The following TGFBR3 variants were observed in gnomAD, a reference collection of about 807,000 sequenced individuals.
TGFBR3 encodes the protein transforming growth factor beta receptor type 3.
Under a neutral mutation model 87.9 loss-of-function variants are expected in TGFBR3, and 46 were observed. The observed-to-expected ratio is 0.52, with a 90% CI of 0.41 to 0.67. The LOEUF (loss-of-function observed/expected upper bound fraction) is 0.67. Among genes scored for constraint, TGFBR3 ranks in the 30% least tolerant of loss-of-function variants. The probability of loss-of-function intolerance (pLI) is 0.00; values close to 1 mark genes in which losing one functional copy is unlikely to be tolerated. For synonymous variants in TGFBR3, 381 were observed against 391.6 expected, an observed-to-expected ratio of 0.97 and a Z score of 0.32; for missense variants, 866 against 1,041.9, an observed-to-expected ratio of 0.83 and a Z score of 2.32.
chr1:91,809,056 A>G (rs1675936245), intron 2 of TGFBR3, among the ~76,000 whole-genome samples: 1 of 152,216 alleles, frequency 6.6e-6, no homozygotes, highest in Non-Finnish European at 1.5e-5. Context: ...ACTTAGATTC[A>G]AAATATTAAA....
At chr1:91,687,461 A>G (rs1278128077) in intron 16 of TGFBR3, among the ~76,000 whole-genome samples, 2 of 152,258 alleles carry the variant, frequency 1.3e-5, no homozygotes, top group African/African-American at 2.4e-5. Context: ...TTTGGCGTCT[A>G]TATTACAACT....
rs2489180 is a variant in TGFBR3, at chr1:91,804,962, C to T, written c.62-7491G>A. 9.6e-3 allele frequency among the ~76,000 whole-genome samples: 1,462 copies of T among 152,306 alleles called. 16 individuals carry two copies. The highest frequency in any genetic ancestry group is 0.034 in the African/African-American group (1,397 of 41,560). On this transcript the variant is annotated intron_variant, in intron 2 of 16. Transcript: ENST00000212355. The stretch of plus-strand genomic sequence containing the variant: ...ACGTAAGGATCAACCAGGGCGTGGA[C>T]GATGACGAAAGAACACACCTGAAAG...
chr1:91,791,195 T>C (rs915796893), intron 3 of TGFBR3, among the ~76,000 whole-genome samples: 4 of 152,052 alleles, frequency 2.6e-5, no homozygotes, highest in African/African-American at 7.2e-5. Context: ...TAAAACAAGT[T>C]TGGATACAAG....
intron 3 of TGFBR3, among the ~76,000 whole-genome samples, chr1:91,788,687 G>A (rs960747009): frequency 3.3e-5 from 5 of 152,196 alleles, no homozygotes; most frequent in African/African-American, 4.8e-5. Context: ...AACTGGAGAC[G>A]CTGCACACGC....
intron 1 of TGFBR3, among the ~76,000 whole-genome samples, chr1:91,903,303 C>T (rs1320944880): frequency 2.5e-5 from 3 of 121,482 alleles, no homozygotes; most frequent in African/African-American, 3.2e-5. Context: ...CACACCACTG[C>T]ACTTCAGCCT....
At chr1:91,780,004 A>G (rs541127815) in intron 3 of TGFBR3, among the ~76,000 whole-genome samples, 1 of 152,110 alleles carries the variant, frequency 6.6e-6, no homozygotes, top group Non-Finnish European at 1.5e-5. Flanking sequence ...CTCTGCCTGC[A>G]TGGTCACACA....
At chr1:91,842,875 C>T (rs1236473048) in intron 2 of TGFBR3, among the ~76,000 whole-genome samples, 1 of 152,138 alleles carries the variant, frequency 6.6e-6, no homozygotes, top group Non-Finnish European at 1.5e-5. Flanking sequence ...AAAACTGGGA[C>T]TCAAATCTCC....
chr1:91,777,757 C>CTGT (rs1240145787), intron 3 of TGFBR3, among the ~76,000 whole-genome samples: 1 of 152,158 alleles, frequency 6.6e-6, no homozygotes, highest in Non-Finnish European at 1.5e-5. Flanking sequence ...TCCGTACTTT[C>CTGT]TGTTACAGGT....
chr1:91,804,759 AGCTGCTACTGTAG>A (rs1341797911), intron 2 of TGFBR3, among the ~76,000 whole-genome samples: 1 of 152,122 alleles, frequency 6.6e-6, no homozygotes, highest in Non-Finnish European at 1.5e-5. Flanking sequence ...TGAGCTCTGG[AGCTGCTACTGTAG>A]GCCCTCACCG....
intron 2 of TGFBR3, among the ~76,000 whole-genome samples, chr1:91,824,242 T>C (rs564293414): frequency 2.0e-5 from 3 of 152,236 alleles, no homozygotes; most frequent in Non-Finnish European, 4.4e-5. Flanking sequence ...ACACAGACTC[T>C]GGAGCCAGAC....
At chr1:91,866,580 T>C (rs1023294854) in intron 1 of TGFBR3, among the ~76,000 whole-genome samples, 5 of 152,240 alleles carry the variant, frequency 3.3e-5, no homozygotes, top group Non-Finnish European at 5.9e-5. Context: ...ACAAGACATT[T>C]AATTTCCTGA....
intron 2 of TGFBR3, among the ~76,000 whole-genome samples, chr1:91,812,030 C>A (rs1275378848): frequency 1.3e-5 from 2 of 152,098 alleles, no homozygotes; most frequent in Non-Finnish European, 2.9e-5. Context: ...TCCTCCCAAG[C>A]AAACCTTCGT....
chr1:91,882,016 A>G (rs2450923), intron 1 of TGFBR3, among the ~76,000 whole-genome samples: 141,140 of 151,710 alleles, frequency 0.93, 66,234 homozygotes, highest in Non-Finnish European at 0.99. Context: ...TCCAGCCTGG[A>G]CGACAGAGCG....
intron 3 of TGFBR3, among the ~76,000 whole-genome samples, chr1:91,764,317 CAA>C (rs200776741): frequency 7.8e-5 from 6 of 77,356 alleles, no homozygotes; most frequent in East Asian, 4.3e-4. Context: ...ACAAAAGAGA[CAA>C]AAAAAAAAAA....
chr1:91,880,584 C>CGA (rs1679043107), intron 1 of TGFBR3, among the ~76,000 whole-genome samples: 1 of 151,594 alleles, frequency 6.6e-6, no homozygotes, highest in Non-Finnish European at 1.5e-5. Context: ...GGTGACAGAG[C>CGA]GAGACTCCGT....
chr1:91,792,282 CT>C (rs1334139334), intron 3 of TGFBR3, among the ~76,000 whole-genome samples: 3 of 152,228 alleles, frequency 2.0e-5, no homozygotes, highest in Non-Finnish European at 4.4e-5. Context: ...CCCAAATCCT[CT>C]TTTGGAATGA....
upstream of TGFBR3, among the ~76,000 whole-genome samples, chr1:91,888,460 T>C (rs1209144551): frequency 6.6e-6 from 1 of 152,164 alleles, no homozygotes; most frequent in African/African-American, 2.4e-5. Flanking sequence ...CTCAGCAATT[T>C]GGGAAGCCGA....
Position 91,823,958 on chromosome 1 carries a change from C to T in TGFBR3, c.62-26487G>A, listed in dbSNP as rs563598839. 9.2e-5 allele frequency among the ~76,000 whole-genome samples: 14 copies of T among 152,174 alleles called. 1 individual carries two copies. In the South Asian group the frequency reaches 2.1e-3, roughly 23 times the overall value. On this transcript the variant is annotated intron_variant, in intron 2 of 16. Transcript: ENST00000212355. ...CAGCCTAGGCAACATAGCAAGACCC[C>T]GTCTCTACAAAAAATACAAGAAATA...
chr1:91,773,526 C>T (rs1674459971), intron 3 of TGFBR3, among the ~76,000 whole-genome samples: 1 of 152,074 alleles, frequency 6.6e-6, no homozygotes, highest in Non-Finnish European at 1.5e-5. Context: ...CTAAAAAATA[C>T]AAAAATTAGT....
Sources: gnomAD v4.1 joint callset for allele counts (sites outside exome capture counted in the v4.1 genomes callset) on GRCh38, gnomAD v4.1.1 for gene constraint, MANE v1.5 for transcripts, NCBI Gene and HGNC (gene_info 2026-07-23, HGNC 2026-07-21) for gene names.